Variants in GALNT13 observed in about 807,000 individuals in gnomAD.
GALNT13 encodes polypeptide N-acetylgalactosaminyltransferase 13.
Under a neutral mutation model 64.2 loss-of-function variants are expected in GALNT13, and 28 were observed. The ratio of observed to expected loss-of-function variants is 0.44; its 90% CI spans 0.32 to 0.60. The LOEUF is 0.60. Ranked by LOEUF, GALNT13 falls within the 20% of genes least tolerant of loss-of-function variation. GALNT13 has a pLI of 0.05. For missense variants in GALNT13, 577 were observed against 669.8 expected (o/e 0.86, Z 1.53); for synonymous variants, 214 against 224.6 (o/e 0.95, Z 0.42).
intron 3 of GALNT13, among the ~76,000 whole-genome samples, chr2:153,987,301 C>A (rs190552180): frequency 4.0e-4 from 61 of 151,716 alleles, no homozygotes; most frequent in Admixed American, 1.1e-3. Flanking sequence ...AACTCAAGTT[C>A]GTTGTTGTCT....
chr2:153,086,665 C>T, the GALNT13 span, among the ~76,000 whole-genome samples: 1 of 152,000 alleles, frequency 6.6e-6, no homozygotes, highest in Non-Finnish European at 1.5e-5. Context: ...TCTTTACTAG[C>T]AGTATGAGAA....
At chr2:154,177,749 G>T (rs1172348330) in intron 4 of GALNT13, among the ~76,000 whole-genome samples, 3 of 152,100 alleles carry the variant, frequency 2.0e-5, no homozygotes, top group African/African-American at 7.2e-5. Context: ...TAATATATAT[G>T]TACATACATA....
At chr2:153,404,065 T>C in the GALNT13 span, among the ~76,000 whole-genome samples, 4 of 152,204 alleles carry the variant, frequency 2.6e-5, no homozygotes, top group Non-Finnish European at 5.9e-5. Flanking sequence ...ATTAGGGAAG[T>C]TGTAATAAAT....
the GALNT13 span, among the ~76,000 whole-genome samples, chr2:153,631,423 A>G: frequency 3.9e-5 from 6 of 152,328 alleles, no homozygotes; most frequent in African/African-American, 9.6e-5. Context: ...TTACAGTCCT[A>G]TCAACAGTGT....
chr2:154,001,097 A>G (rs535663301), intron 3 of GALNT13, among the ~76,000 whole-genome samples: 111 of 152,086 alleles, frequency 7.3e-4, no homozygotes, highest in Non-Finnish European at 1.4e-3. Context: ...TGAAACACAT[A>G]TAGCTACTTA....
chr2:153,404,945 A>G, the GALNT13 span, among the ~76,000 whole-genome samples: 1 of 152,166 alleles, frequency 6.6e-6, no homozygotes. Context: ...CTTCCGGGCA[A>G]AGCCTCTGTT....
At chr2:153,965,299 C>A (rs1360801750) in intron 3 of GALNT13, among the ~76,000 whole-genome samples, 5 of 152,064 alleles carry the variant, frequency 3.3e-5, no homozygotes, top group Admixed American at 3.3e-4. Context: ...TTCCTTTGAT[C>A]AAAAGTGTAT....
chr2:154,452,022 T>C lies in GALNT13; in HGVS notation c.*1471T>C, dbSNP rs1701890516. 2 of 152,120 alleles carry C rather than the reference T, an allele frequency of 1.3e-5. No individual in the cohort carries two copies. The highest frequency in any genetic ancestry group is 4.8e-5 in the African/African-American group (2 of 41,456). 9.4% of individuals were successfully genotyped at this position (152,120 alleles called of 1,614,324 possible). On this transcript the variant is annotated 3_prime_UTR_variant, in exon 13 of 13. Coordinates refer to ENST00000392825, the MANE Select transcript of GALNT13 (RefSeq NM_052917.4). Reference sequence around the variant, plus strand: ...GACATGCACATACACTGCTTTATAATGAAAATGAGGACACTTTCTGATGGT... The same window carrying C: ...GACATGCACATACACTGCTTTATAACGAAAATGAGGACACTTTCTGATGGT...
intron 7 of GALNT13, 31 bp from the exon 8 acceptor site, chr2:154,258,990 T>C (rs1471118059): frequency 1.8e-6 from 2 of 1,115,040 alleles, no homozygotes; most frequent in African/African-American, 1.5e-5. Flanking sequence ...TTTCAAAAGA[T>C]ATTCTTTTCT....
chr2:153,294,298 T>C, the GALNT13 span, among the ~76,000 whole-genome samples: 2 of 152,166 alleles, frequency 1.3e-5, no homozygotes, highest in African/African-American at 4.8e-5. Context: ...GTCACCTTGC[T>C]TCCTTCAAGT....
chr2:153,894,989 G>A (rs12612456), intron 1 of GALNT13, among the ~76,000 whole-genome samples: 21,542 of 151,998 alleles, frequency 0.14, 1,735 homozygotes, highest in South Asian at 0.21. Context: ...TTGGGGACTT[G>A]TACTGAATAA....
chr2:154,374,661 T>C (rs1293899469), intron 9 of GALNT13, among the ~76,000 whole-genome samples: 1 of 152,170 alleles, frequency 6.6e-6, no homozygotes, highest in Non-Finnish European at 1.5e-5. Context: ...TTATGACTTG[T>C]AAACACATGG....
intron 9 of GALNT13, among the ~76,000 whole-genome samples, chr2:154,377,219 T>C (rs1698040787): frequency 6.6e-6 from 1 of 152,196 alleles, no homozygotes; most frequent in Non-Finnish European, 1.5e-5. Flanking sequence ...TGATAATTCC[T>C]CTTTGATAAG....
the GALNT13 span, among the ~76,000 whole-genome samples, chr2:153,274,542 T>G: frequency 6.6e-6 from 1 of 152,316 alleles, no homozygotes; most frequent in African/African-American, 2.4e-5. Context: ...GGCTGGGACC[T>G]CAGTACCTGA....
the GALNT13 span, among the ~76,000 whole-genome samples, chr2:153,311,074 G>T: frequency 6.6e-6 from 1 of 152,002 alleles, no homozygotes; most frequent in East Asian, 1.9e-4. Flanking sequence ...TATATAAGAA[G>T]GAAGACAATA....
chr2:154,409,016 C>T lies in GALNT13; in HGVS notation c.1329C>T (p.Asp443=). Residue 443 remains aspartate, a synonymous_variant, in exon 11 of 13, where the codon GAC becomes GAT. Coordinates refer to ENST00000392825, the MANE Select transcript of GALNT13 (RefSeq NM_052917.4). ...ATGTTGAAACCAATCAGTGTTTAGA[C>T]AACATGGGCCGCAAGGAAAATGAAA... The part of the protein sequence containing the change: ...IRNVETNQCL[D]NMGRKENEKV... 6.2e-7 allele frequency: 1 copy of T among 1,610,982 alleles called. No individual in the cohort carries two copies. Among genetic ancestry groups the T allele is most frequent in the East Asian group, 2.2e-5 (1 of 44,732 alleles).
At chr2:153,485,490 G>A in the GALNT13 span, among the ~76,000 whole-genome samples, 6 of 152,176 alleles carry the variant, frequency 3.9e-5, no homozygotes, top group Non-Finnish European at 7.3e-5. Context: ...GTATTTATGT[G>A]TAAGATAGGT....
chr2:153,951,216 T>C (rs1385444404), intron 3 of GALNT13, among the ~76,000 whole-genome samples: 2 of 152,142 alleles, frequency 1.3e-5, no homozygotes, highest in African/African-American at 4.8e-5. Context: ...TCTTTTTCTC[T>C]ATGTGGATAA....
At chr2:153,109,287 C>T in the GALNT13 span, among the ~76,000 whole-genome samples, 1 of 152,092 alleles carries the variant, frequency 6.6e-6, no homozygotes, top group African/African-American at 2.4e-5. Context: ...GACTCTCTGC[C>T]CAGAAACTCT....
Sources: allele counts gnomAD v4.1 joint callset (sites outside exome capture counted in the v4.1 genomes callset), GRCh38; gene constraint gnomAD v4.1.1; transcripts MANE v1.5; gene names NCBI Gene and HGNC (gene_info 2026-07-23, HGNC 2026-07-21).